The following ACVR1C variants were observed in gnomAD, a reference collection of about 807,000 sequenced individuals.
ACVR1C encodes activin A receptor type 1C.
Under a neutral mutation model 57.9 loss-of-function variants are expected in ACVR1C, and 23 were observed. That is an observed-to-expected ratio of 0.40 (90% confidence interval 0.29 to 0.56). ACVR1C has a LOEUF of 0.56. Among genes scored for constraint, ACVR1C ranks in the 20% least tolerant of loss-of-function variants. The pLI is 0.50. For synonymous variants in ACVR1C, 214 were observed against 215.3 expected (o/e 0.99, Z 0.05); for missense variants, 480 against 607.9 (o/e 0.79, Z 2.21).
At chr2:157,539,637 G>T (rs1298784025) in intron 7 of ACVR1C, among the ~76,000 whole-genome samples, 1 of 152,152 alleles carries the variant, frequency 6.6e-6, no homozygotes, top group Non-Finnish European at 1.5e-5. Flanking sequence ...TTGCCTTAAG[G>T]CCTTTACAGG....
At chr2:157,549,531 C>G (rs1231654340) in intron 4 of ACVR1C, among the ~76,000 whole-genome samples, 1 of 152,078 alleles carries the variant, frequency 6.6e-6, no homozygotes, top group South Asian at 2.1e-4. Flanking sequence ...GGTTCCTGCA[C>G]CAAACCAGTC....
At chr2:157,622,289 G>T (rs1331612608) in intron 1 of ACVR1C, among the ~76,000 whole-genome samples, 1 of 151,982 alleles carries the variant, frequency 6.6e-6, no homozygotes, top group African/African-American at 2.4e-5. Flanking sequence ...GGAACCACAA[G>T]AGACCCAGAA....
At chr2:157,624,097 C>T (rs1682845499) in intron 1 of ACVR1C, among the ~76,000 whole-genome samples, 1 of 152,126 alleles carries the variant, frequency 6.6e-6, no homozygotes, top group African/African-American at 2.4e-5. Flanking sequence ...CAGTTGTCCA[C>T]TTATAGGACA....
intron 1 of ACVR1C, among the ~76,000 whole-genome samples, chr2:157,589,930 G>T (rs965697294): frequency 1.3e-5 from 2 of 151,860 alleles, no homozygotes; most frequent in African/African-American, 4.8e-5. Context: ...TGACACTGGG[G>T]AAAGGATACT....
At position 157,628,714 on chromosome 2, in the gene ACVR1C, C is replaced by G. The variant is rs1682963280; in HGVS notation, c.-70G>C. 1 of 1,345,544 alleles carries G rather than the reference C, an allele frequency of 7.4e-7. No individual in the cohort carries two copies. The highest frequency in any genetic ancestry group is 9.8e-7 in the Non-Finnish European group (1 of 1,023,050). 83.4% of individuals were successfully genotyped at this position (1,345,544 alleles called of 1,614,324 possible). ...GCGAGGCAGCCGGGGCAGCACGGCC[C>G]GCTTTGAAGTTCCCGGGCCGCGGGA... On this transcript the variant is annotated 5_prime_UTR_variant, in exon 1 of 9. Transcript: ENST00000243349.
chr2:157,619,491 T>C (rs1573959569), intron 1 of ACVR1C, among the ~76,000 whole-genome samples: 1 of 152,018 alleles, frequency 6.6e-6, no homozygotes, highest in Admixed American at 6.6e-5. Context: ...CAGCAAACTA[T>C]GGCCTATTGG....
intron 2 of ACVR1C, among the ~76,000 whole-genome samples, chr2:157,583,374 G>T (rs1232573716): frequency 1.3e-5 from 2 of 152,020 alleles, no homozygotes; most frequent in African/African-American, 4.8e-5. Context: ...AGTAACTGGA[G>T]AACTAAATAG....
chr2:157,581,778 T>C (rs1688798186), intron 2 of ACVR1C, among the ~76,000 whole-genome samples: 1 of 152,232 alleles, frequency 6.6e-6, no homozygotes, highest in Non-Finnish European at 1.5e-5. Flanking sequence ...TCCCGACCTT[T>C]CTTCTACTGT....
intron 4 of ACVR1C, among the ~76,000 whole-genome samples, chr2:157,549,324 C>T (rs1292108404): frequency 6.6e-6 from 1 of 152,120 alleles, no homozygotes; most frequent in African/African-American, 2.4e-5. Context: ...GAGATCGTGC[C>T]ACTGCACTCC....
chr2:157,534,486 A>C (rs1278800061), intron 8 of ACVR1C, among the ~76,000 whole-genome samples: 1 of 152,170 alleles, frequency 6.6e-6, no homozygotes, highest in Non-Finnish European at 1.5e-5. Flanking sequence ...AAAAACATCA[A>C]GGGATATGGG....
intron 4 of ACVR1C, among the ~76,000 whole-genome samples, chr2:157,545,980 C>A (rs1269010882): frequency 6.6e-6 from 1 of 152,104 alleles, no homozygotes; most frequent in Non-Finnish European, 1.5e-5. Context: ...CGGGGTTTCA[C>A]CATGTTGGCC....
intron 4 of ACVR1C, among the ~76,000 whole-genome samples, chr2:157,544,873 C>G (rs569771570): frequency 6.6e-6 from 1 of 152,192 alleles, no homozygotes; most frequent in East Asian, 1.9e-4. Context: ...TGAACAACTC[C>G]TTTCTTATTT....
chr2:157,615,505 G>A (rs1351758112), intron 1 of ACVR1C, among the ~76,000 whole-genome samples: 4 of 152,016 alleles, frequency 2.6e-5, no homozygotes, highest in African/African-American at 9.7e-5. Flanking sequence ...CTCCCCAGTA[G>A]CTGGAACTAC....
At position 157,527,716 on chromosome 2, in the gene ACVR1C, A is replaced by G. The variant is rs1418062018; in HGVS notation, c.*6202T>C. On this transcript the variant is annotated 3_prime_UTR_variant, in exon 9 of 9. Coordinates refer to ENST00000243349, the MANE Select transcript of ACVR1C (RefSeq NM_145259.3). ...TCAGATACTCTCATTTTGTATAAAG[A>G]GAAAAAAAGGGCTGTGTCCTTAAAA... is the stretch of plus-strand genomic sequence containing the variant. 2.6e-5 allele frequency: 4 copies of G among 152,220 alleles called. No homozygotes were observed. Among genetic ancestry groups the G allele is most frequent in the African/African-American group, 9.6e-5 (4 of 41,464 alleles). 9.4% of individuals were successfully genotyped at this position (152,220 alleles called of 1,614,324 possible).
intron 4 of ACVR1C, among the ~76,000 whole-genome samples, chr2:157,549,125 G>C (rs999959018): frequency 1.3e-5 from 2 of 152,160 alleles, no homozygotes; most frequent in Admixed American, 1.3e-4. Context: ...GGAGGCCGAG[G>C]GGGGTGGATA....
intron 4 of ACVR1C, among the ~76,000 whole-genome samples, chr2:157,549,126 G>T (rs895215952): frequency 1.3e-5 from 2 of 152,028 alleles, no homozygotes; most frequent in African/African-American, 2.4e-5. Context: ...GAGGCCGAGG[G>T]GGGTGGATAA....
chr2:157,605,361 G>C (rs913016911), intron 1 of ACVR1C, among the ~76,000 whole-genome samples: 3 of 151,644 alleles, frequency 2.0e-5, no homozygotes, highest in Non-Finnish European at 4.4e-5. Flanking sequence ...ATTGACTTGG[G>C]TATTCTCATT....
intron 1 of ACVR1C, among the ~76,000 whole-genome samples, chr2:157,617,056 C>T (rs1341239718): frequency 2.6e-5 from 4 of 151,458 alleles, no homozygotes; most frequent in Non-Finnish European, 5.9e-5. Flanking sequence ...ATGCTGTGTA[C>T]AAAGGATGCA....
intron 2 of ACVR1C, among the ~76,000 whole-genome samples, chr2:157,561,874 G>A (rs544444273): frequency 6.6e-6 from 1 of 152,268 alleles, no homozygotes; most frequent in African/African-American, 2.4e-5. Context: ...TGTATGCATT[G>A]ACTGAGAAAA....
Sources: allele counts gnomAD v4.1 joint callset (sites outside exome capture counted in the v4.1 genomes callset), GRCh38; gene constraint gnomAD v4.1.1; transcripts MANE v1.5; gene names NCBI Gene and HGNC (gene_info 2026-07-23, HGNC 2026-07-21).